The following SLC35F4 variants were observed in gnomAD, a reference collection of about 807,000 sequenced individuals.
SLC35F4 encodes the protein chromosome 14 open reading frame 36.
In SLC35F4, 24 loss-of-function variants were observed where a neutral mutation model predicts 44.2. That is an observed-to-expected ratio of 0.54 (90% CI 0.39 to 0.76). The LOEUF is 0.76. Ranked by LOEUF, SLC35F4 falls within the 30% of genes least tolerant of loss-of-function variation. SLC35F4 has a pLI of 0.00. For synonymous variants in SLC35F4, 238 were observed against 223.6 expected (o/e 1.06, Z -0.57); for missense variants, 562 against 586.1 (o/e 0.96, Z 0.42).
At chr14:57,678,218 T>A (rs1050907296) in intron 1 of SLC35F4, among the ~76,000 whole-genome samples, 1 of 151,988 alleles carries the variant, frequency 6.6e-6, no homozygotes, top group African/African-American at 2.4e-5. Context: ...AGGGCCAATA[T>A]TAAACATTTT....
intron 1 of SLC35F4, among the ~76,000 whole-genome samples, chr14:57,922,762 G>A (rs959282229): frequency 2.6e-5 from 4 of 152,112 alleles, no homozygotes; most frequent in African/African-American, 9.7e-5. Context: ...TGTGACCTTG[G>A]GAAGTGTCTC....
rs540272835 is a variant in SLC35F4, at chr14:57,650,449, A to G, written c.104-56325T>C. On this transcript the variant is annotated intron_variant, in intron 1 of 7. Transcript: ENST00000556826. ...AGTATTCTTCTCCCACACCCCTGTC[A>G]TCTAATTCATTAGCAAGTTCTACTG... 2.0e-5 allele frequency among the ~76,000 whole-genome samples: 3 copies of G among 152,254 alleles called. No homozygotes were observed. In the East Asian group the frequency reaches 5.8e-4, roughly 29 times the overall value.
At chr14:57,661,511 T>C (rs2074135795) in intron 1 of SLC35F4, among the ~76,000 whole-genome samples, 1 of 152,198 alleles carries the variant, frequency 6.6e-6, no homozygotes, top group Non-Finnish European at 1.5e-5. Flanking sequence ...GTCTTGGCAA[T>C]GCAATGATTG....
intron 1 of SLC35F4, among the ~76,000 whole-genome samples, chr14:57,749,327 T>C (rs2076830027): frequency 6.6e-6 from 1 of 152,158 alleles, no homozygotes; most frequent in African/African-American, 2.4e-5. Context: ...AGTATAAAAA[T>C]TGGGAGTAAC....
chr14:57,758,790 A>C (rs2077055413), intron 1 of SLC35F4, among the ~76,000 whole-genome samples: 1 of 152,194 alleles, frequency 6.6e-6, no homozygotes, highest in African/African-American at 2.4e-5. Flanking sequence ...TACTCATTAA[A>C]AAATTCTATA....
At chr14:57,649,520 T>A (rs1268377873) in intron 1 of SLC35F4, among the ~76,000 whole-genome samples, 1 of 152,190 alleles carries the variant, frequency 6.6e-6, no homozygotes, top group Non-Finnish European at 1.5e-5. Context: ...TAATCTGGGA[T>A]AATCTCTCCT....
intron 1 of SLC35F4, among the ~76,000 whole-genome samples, chr14:57,887,106 AGCAG>A (rs1231298490): frequency 4.6e-5 from 7 of 152,236 alleles, no homozygotes; most frequent in Non-Finnish European, 7.3e-5. Context: ...GCAGGAATAA[AGCAG>A]TGAAAGAAAT....
In SLC35F4 at chr14:57,564,094, C is replaced by G; in HGVS notation, c.*41G>C. 1.9e-6 allele frequency: 3 copies of G among 1,591,792 alleles called. No individual in the cohort carries two copies. Among genetic ancestry groups the G allele is most frequent in the Non-Finnish European group, 2.6e-6 (3 of 1,165,826 alleles). ...GGTAGTGAGAAAATTTTGTTATATT[C>G]ACAGAATATACATACACGTGCATTC... On this transcript the variant is annotated 3_prime_UTR_variant, in exon 8 of 8. Coordinates refer to ENST00000556826, the MANE Select transcript of SLC35F4 (RefSeq NM_001306087.2).
intron 1 of SLC35F4, among the ~76,000 whole-genome samples, chr14:57,861,672 A>G (rs950369638): frequency 5.3e-5 from 8 of 152,198 alleles, no homozygotes; most frequent in African/African-American, 9.7e-5. Context: ...GTCAAATTCA[A>G]TCGGTCTTCT....
chr14:57,934,818 C>G (rs1889767837), intron 1 of SLC35F4, among the ~76,000 whole-genome samples: 1 of 152,138 alleles, frequency 6.6e-6, no homozygotes, highest in African/African-American at 2.4e-5. Flanking sequence ...GATTATTAAT[C>G]ACCGATTTTT....
chr14:57,954,681 T>C (rs531109565), intron 1 of SLC35F4, among the ~76,000 whole-genome samples: 3 of 151,892 alleles, frequency 2.0e-5, no homozygotes, highest in Middle Eastern at 3.4e-3. Flanking sequence ...CTAAAAGAAA[T>C]GGATAAATTC....
intron 1 of SLC35F4, among the ~76,000 whole-genome samples, chr14:57,767,793 G>T (rs1238546313): frequency 4.0e-5 from 6 of 151,248 alleles, no homozygotes; most frequent in Non-Finnish European, 4.4e-5. Context: ...ACAGAGAAAA[G>T]ATACAAATCA....
At chr14:57,650,443 C>T (rs986262159) in intron 1 of SLC35F4, among the ~76,000 whole-genome samples, 1 of 152,116 alleles carries the variant, frequency 6.6e-6, no homozygotes, top group Admixed American at 6.5e-5. Flanking sequence ...CTCCCACACC[C>T]CTGTCATCTA....
chr14:57,741,326 A>C (rs900177911), intron 1 of SLC35F4, among the ~76,000 whole-genome samples: 1 of 152,324 alleles, frequency 6.6e-6, no homozygotes, highest in Middle Eastern at 3.4e-3. Context: ...ATTGCAAAAT[A>C]AGCTAAAAAC....
At chr14:57,635,194 T>C (rs1051468087) in intron 1 of SLC35F4, among the ~76,000 whole-genome samples, 1 of 150,602 alleles carries the variant, frequency 6.6e-6, no homozygotes, top group Non-Finnish European at 1.5e-5. Context: ...TGCAGTGAGT[T>C]ATGATCATGC....
chr14:57,828,144 T>A (rs1883984340), intron 1 of SLC35F4, among the ~76,000 whole-genome samples: 1 of 152,162 alleles, frequency 6.6e-6, no homozygotes, highest in Admixed American at 6.5e-5. Context: ...ACCCATGAGA[T>A]CAGTGGTCCT....
chr14:57,975,188 A>C (rs7140528), downstream of SLC35F4, among the ~76,000 whole-genome samples: 1 of 151,956 alleles, frequency 6.6e-6, no homozygotes, highest in Non-Finnish European at 1.5e-5. Flanking sequence ...TTTTCTTGCA[A>C]TTCCCAGAGT....
chr14:57,960,923 C>T (rs1028993084), intron 1 of SLC35F4, among the ~76,000 whole-genome samples: 1 of 152,106 alleles, frequency 6.6e-6, no homozygotes, highest in Non-Finnish European at 1.5e-5. Flanking sequence ...TGACCTGGGG[C>T]CCCTGGGGAA....
At chr14:57,965,436 T>C (rs924181662) in intron 1 of SLC35F4, among the ~76,000 whole-genome samples, 1 of 152,194 alleles carries the variant, frequency 6.6e-6, no homozygotes, top group African/African-American at 2.4e-5. Flanking sequence ...ATTGGCTGTT[T>C]ATCAGCTTTA....
Sources: gnomAD v4.1 joint callset for allele counts (sites outside exome capture counted in the v4.1 genomes callset) on GRCh38, gnomAD v4.1.1 for gene constraint, MANE v1.5 for transcripts, NCBI Gene and HGNC (gene_info 2026-07-23, HGNC 2026-07-21) for gene names.